Variants in OTOF observed in about 807,000 individuals in gnomAD.
OTOF encodes fer-1-like family member 2.
A neutral mutation model predicts 236.8 loss-of-function variants in OTOF; 218 were observed. The observed-to-expected ratio is 0.92, with a 90% CI of 0.82 to 1.03. OTOF has a LOEUF of 1.03. Ranked by LOEUF, OTOF falls within the 50% of genes least tolerant of loss-of-function variation. The pLI is 0.00. For synonymous variants in OTOF, 1,041 were observed against 1,072.5 expected, an observed-to-expected ratio of 0.97 and a Z score of 0.57; for missense variants, 2,590 against 2,694.4, an observed-to-expected ratio of 0.96 and a Z score of 0.86.
chr2:26,484,516 G>A lies in OTOF; in HGVS notation c.1163C>T (p.Thr388Met), dbSNP rs751650771. 38 of 1,614,016 alleles carry A rather than the reference G, an allele frequency of 2.4e-5. No homozygotes were observed. Among genetic ancestry groups the A allele is most frequent in the African/African-American group, 1.1e-4 (8 of 75,050 alleles). Residue 388 changes from threonine to methionine, a missense_variant, in exon 12 of 47, where the codon ACG becomes ATG. Transcript: ENST00000272371. ...AVVGKGDNIKTPHKANETDED... is the reference protein window; with the variant it reads ...AVVGKGDNIKMPHKANETDED... ...GTCGGTCTCATTGGCCTTGTGGGGC[G>A]TCTTGATGTTGTCCCCTTTGCCCAC...
chr2:26,475,504 G>C lies in OTOF; in HGVS notation c.2992-11C>G. 1 of 1,611,724 alleles carries C rather than the reference G, an allele frequency of 6.2e-7. No individual in the cohort carries two copies. The highest frequency in any genetic ancestry group is 8.5e-7 in the Non-Finnish European group (1 of 1,179,096). On this transcript the variant is annotated splice_polypyrimidine_tract_variant and intron_variant, in intron 24 of 46. Coordinates refer to ENST00000272371, the MANE Select transcript of OTOF (RefSeq NM_194248.3). Reference sequence around the variant, plus strand: ...GGTCTCATTCAGCACCTGCAGCATGGGATGGGGAGACAGGGGACAAGTGAC... The same window carrying C: ...GGTCTCATTCAGCACCTGCAGCATGCGATGGGGAGACAGGGGACAAGTGAC...
Position 26,460,123 on chromosome 2 carries a change from G to A in OTOF, c.5896C>T (p.Leu1966Phe). The change falls in exon 46 of 47, where the codon CTC becomes TTC. Residue 1966 changes from leucine (L) to phenylalanine (F), a missense_variant. This residue lies in a region of OTOF where 1,211 missense variants were observed against 1,352.8 expected (regional missense o/e 0.90). Transcript: ENST00000272371. The surrounding 1 kb of genome is among the most constrained non-coding windows in gnomAD (Gnocchi z 5.3). The part of the protein sequence containing the change: ...YFLWHTYRWL[L>F]LKLLLLLLLL... ...AGCAGGAGCAGCAACAGTTTGAGGA[G>A]CAGCCAGCGATACGTGTGCCACAAG... 1 of 1,594,808 alleles carries A rather than the reference G, an allele frequency of 6.3e-7. No individual in the cohort carries two copies. Among genetic ancestry groups the A allele is most frequent in the Non-Finnish European group, 8.5e-7 (1 of 1,170,864 alleles).
At position 26,509,504 on chromosome 2, in the gene OTOF, G is replaced by A. The variant is rs755881640; in HGVS notation, c.510-5659C>T. Among the ~76,000 whole-genome samples, 209 of 152,318 alleles carry A rather than the reference G, an allele frequency of 1.4e-3. 1 individual carries two copies. Among genetic ancestry groups the A allele is most frequent in the Non-Finnish European group, 2.3e-3 (156 of 68,032 alleles). On this transcript the variant is annotated intron_variant, in intron 5 of 46. Transcript: ENST00000272371. ...TTTTGCTTGTGCGTAACAAATGCGA[G>A]TTAGAACTCATACCTTTTTTTGAAG...
chr2:26,511,615 C>A (rs1666392248), intron 5 of OTOF, among the ~76,000 whole-genome samples: 1 of 152,234 alleles, frequency 6.6e-6, no homozygotes, highest in South Asian at 2.1e-4. Flanking sequence ...GGCCAGCTAA[C>A]CTTTACGTTG....
chr2:26,549,246 T>C (rs1667403469), intron 1 of OTOF, among the ~76,000 whole-genome samples: 1 of 152,240 alleles, frequency 6.6e-6, no homozygotes, highest in Non-Finnish European at 1.5e-5. Flanking sequence ...GAGAACATAC[T>C]CTGTAAGATT....
chr2:26,500,901 T>G (rs1666101025), intron 8 of OTOF, among the ~76,000 whole-genome samples: 1 of 152,162 alleles, frequency 6.6e-6, no homozygotes, highest in Non-Finnish European at 1.5e-5. Flanking sequence ...ACTCTGATTC[T>G]GGGGCCTGGT....
At chr2:26,463,103 A>T (rs969238011) in intron 41 of OTOF, among the ~76,000 whole-genome samples, 3 of 152,018 alleles carry the variant, frequency 2.0e-5, no homozygotes, top group Non-Finnish European at 4.4e-5. Flanking sequence ...GGAGTGCGTC[A>T]GTGTGGGCAT....
intron 9 of OTOF, among the ~76,000 whole-genome samples, chr2:26,492,010 C>T (rs756848344): frequency 1.3e-5 from 2 of 152,228 alleles, no homozygotes; most frequent in Non-Finnish European, 2.9e-5. Context: ...TTCCTACCAG[C>T]TCAGATAATT....
chr2:26,495,958 C>A lies in OTOF; in HGVS notation c.766-885G>T, dbSNP rs112147926. Among the ~76,000 whole-genome samples the A allele has an allele frequency of 1.4e-4, 21 of 152,338 alleles. No homozygotes were observed. The Middle Eastern group carries it at 0.01, about 74-fold the overall frequency. On this transcript the variant is annotated intron_variant, in intron 8 of 46. Transcript: ENST00000272371. The stretch of plus-strand genomic sequence containing the variant: ...TTGCATTTCTGGAATTTGGCTCCCC[C>A]CCCTTTCCACATTGTTTGCTGAATT...
chr2:26,483,278 C>T (rs1434422604), intron 13 of OTOF, among the ~76,000 whole-genome samples, 184 bp downstream of exon 13: 1 of 152,102 alleles, frequency 6.6e-6, no homozygotes, highest in African/African-American at 2.4e-5. Context: ...CCCTCTCATG[C>T]CCCCTGCGCA....
intron 8 of OTOF, among the ~76,000 whole-genome samples, chr2:26,498,700 T>C (rs1427261107): frequency 1.3e-5 from 2 of 152,258 alleles, no homozygotes; most frequent in South Asian, 2.1e-4. Flanking sequence ...GAGTGGTAAA[T>C]CTATACCCCT....
At chr2:26,516,715 G>A in intron 4 of OTOF, 116 bp from the exon 5 acceptor site, 2 of 1,095,000 alleles carry the variant, frequency 1.8e-6, no homozygotes, top group Non-Finnish European at 2.7e-6. Flanking sequence ...CTCACTGGAG[G>A]AGGTCAGGAT....
In OTOF at chr2:26,461,559, G is replaced by T; in HGVS notation, c.5533+137C>A. 1 of 1,231,240 alleles carries T rather than the reference G, an allele frequency of 8.1e-7. No homozygotes were observed. The highest frequency in any genetic ancestry group is 1.2e-6 in the Non-Finnish European group (1 of 867,492). The allele number at this position is 1,231,240 out of a possible 1,614,324, so 76.3% of individuals were successfully genotyped here. On this transcript the variant is annotated intron_variant, in intron 43 of 46. Transcript: ENST00000272371. The surrounding 1 kb of genome is among the most constrained non-coding windows in gnomAD (Gnocchi z 6.2). Reference sequence around the variant, plus strand: ...GGTCCTTGGGGGCGGAACCCCGTCGGACACCCCTGGCTCTGATGGACTGGA... The same window carrying T: ...GGTCCTTGGGGGCGGAACCCCGTCGTACACCCCTGGCTCTGATGGACTGGA...
Position 26,476,149 on chromosome 2 carries a change from G to T in OTOF, c.2845C>A (p.Pro949Thr). 1 of 1,611,310 alleles carries T rather than the reference G, an allele frequency of 6.2e-7. No individual in the cohort carries two copies. The highest frequency in any genetic ancestry group is 1.1e-5 in the South Asian group (1 of 91,030). Residue 949 changes from proline (P) to threonine (T), a missense_variant, in exon 23 of 47, where the codon CCC becomes ACC. Physicochemically the swap from Pro to Thr is conservative, Grantham distance 38 (BLOSUM62 -1). Coordinates refer to ENST00000272371, the MANE Select transcript of OTOF (RefSeq NM_194248.3). ...AQGLGLHAFP[P>T]VSLVYTKKQA... ...TCACTGGTGTAGACCAGGCTGACGG[G>T]TGGGAAGGCATGCAGGCCCAGGCCC...
intron 12 of OTOF, 40 bp downstream of exon 12, chr2:26,484,434 G>C: frequency 2.5e-6 from 4 of 1,611,544 alleles, no homozygotes; most frequent in Non-Finnish European, 3.4e-6. Flanking sequence ...GGAAGGAAGG[G>C]CTGGCTCAGA....
chr2:26,503,830 C>G lies in OTOF; in HGVS notation c.525G>C (p.Val175=). The change falls in exon 6 of 47, where the codon GTG becomes GTC. Residue 175 remains valine (V), a synonymous_variant. Transcript: ENST00000272371. ...TTTTGCCGAGCTTCATGGCGGAGAA[C>G]ACGCTCCTCCCGGCTCTGTGAGGGG... ...EKSFRRAGRS[V]FSAMKLGKNR... 1 of 1,614,156 alleles carries G rather than the reference C, an allele frequency of 6.2e-7. No homozygotes were observed. The highest frequency in any genetic ancestry group is 8.5e-7 in the Non-Finnish European group (1 of 1,179,982).
chr2:26,537,734 A>G lies in OTOF; in HGVS notation c.120T>C (p.Asp40=), dbSNP rs928448199. 3.9e-5 allele frequency: 60 copies of G among 1,555,400 alleles called. No homozygotes were observed. In the East Asian group the frequency reaches 1.4e-3, roughly 36 times the overall value. Residue 40 remains aspartate (D), a synonymous_variant, in exon 2 of 47, where the codon GAT becomes GAC. Transcript: ENST00000272371. The stretch of plus-strand genomic sequence containing the variant: ...CTCCTACCTCATCAAAGTCAGCCAC[A>G]TCCTCACAGTTCTCCAGGACCCGAG... ...FYSRVLENCE[D]VADFDETFRW... is the part of the protein sequence containing the mutation.
rs181495150 is a variant in OTOF at position 26,493,663 on chromosome 2, C to T, written c.897+1279G>A. 7.6e-3 allele frequency among the ~76,000 whole-genome samples: 1,149 copies of T among 152,178 alleles called. 10 individuals are homozygous for T. The highest frequency in any genetic ancestry group is 0.012 in the Non-Finnish European group (785 of 68,012). On this transcript the variant is annotated intron_variant, in intron 9 of 46. Coordinates refer to ENST00000272371, the MANE Select transcript of OTOF (RefSeq NM_194248.3). ...CATGCACCTAGAAGGACACAATAAGCGAACAGAATGTAGAGGAGGGGTCAG... is the reference window on the plus strand; with the variant it reads ...CATGCACCTAGAAGGACACAATAAGTGAACAGAATGTAGAGGAGGGGTCAG...
Position 26,457,904 on chromosome 2 carries a change from A to G in OTOF, c.*334T>C. 1.1e-6 allele frequency: 1 copy of G among 883,364 alleles called. No homozygotes were observed. Among genetic ancestry groups the G allele is most frequent in the East Asian group, 2.4e-5 (1 of 41,224 alleles). 54.7% of individuals were successfully genotyped at this position (883,364 alleles called of 1,614,324 possible). ...GTGAGGACAGGCGGCCCCCGCAAGC[A>G]GGAGGCAGGCTCGGCCCAAGGCATG... On this transcript the variant is annotated 3_prime_UTR_variant, in exon 47 of 47. Transcript: ENST00000272371. This position sits in a 1 kb window ranked among gnomAD's most constrained non-coding sequence, Gnocchi z 4.4.
Sources: gnomAD v4.1 joint callset for allele counts (sites outside exome capture counted in the v4.1 genomes callset) on GRCh38, gnomAD v4.1.1 for gene constraint, gnomAD v4.1.1 regional missense constraint, Gnocchi (gnomAD v3.1) non-coding constraint, MANE v1.5 for transcripts, NCBI Gene and HGNC (gene_info 2026-07-23, HGNC 2026-07-21) for gene names.